The following NCOR2 variants were observed in gnomAD, a reference collection of about 807,000 sequenced individuals.
NCOR2 encodes CTG repeat protein 26.
A neutral mutation model predicts 262.9 loss-of-function variants in NCOR2; 81 were observed. The ratio of observed to expected loss-of-function variants is 0.31; its 90% CI spans 0.26 to 0.37. The LOEUF is 0.37. Ranked by LOEUF, NCOR2 falls within the 10% of genes least tolerant of loss-of-function variation. The pLI is 1.00. For synonymous variants in NCOR2, 1,659 were observed against 1,559.3 expected, an observed-to-expected ratio of 1.06 and a Z score of -1.51; for missense variants, 3,385 against 3,621.4, an observed-to-expected ratio of 0.93 and a Z score of 1.68.
At chr12:124,358,097 G>A (rs77581721) in intron 22 of NCOR2, among the ~76,000 whole-genome samples, 87,165 of 137,788 alleles carry the variant, frequency 0.63, 28,734 homozygotes, top group Non-Finnish European at 0.72. Context: ...GTGTGTGTGC[G>A]CGCGCGCACG....
intron 1 of NCOR2, among the ~76,000 whole-genome samples, chr12:124,511,059 T>C (rs2049367527): frequency 6.6e-6 from 1 of 152,240 alleles, no homozygotes; most frequent in South Asian, 2.1e-4. Context: ...AAATGTTTGC[T>C]GAATGCATGA....
rs778024758 is a variant in NCOR2 at position 124,374,582 on chromosome 12, G to A, written c.2168-119C>T. 4.3e-4 allele frequency: 407 copies of A among 940,402 alleles called. 1 individual carries two copies. The highest frequency in any genetic ancestry group is 5.5e-4 in the Non-Finnish European group (330 of 597,084). 58.3% of individuals were successfully genotyped at this position (940,402 alleles called of 1,614,324 possible). A position where few individuals can be genotyped will look rare whatever the true frequency, so the allele number is the denominator to read the frequency against. ...CAGTGCACAGCAGTGAGGCCTCGCT[G>A]CTGCTCGCTCTCCTGCCCCGACTGC... On this transcript the variant is annotated intron_variant, in intron 18 of 46. Coordinates refer to ENST00000405201, the Ensembl canonical transcript of NCOR2.
At chr12:124,567,609 T>TGGCGGC (rs574345580), upstream of NCOR2, 265 of 143,976 alleles carry the variant, frequency 1.8e-3, no homozygotes, top group South Asian at 7.4e-3. Context: ...GCGGCGGCGG[T>TGGCGGC]GGCGGCGGCG....
In NCOR2 at chr12:124,419,933, AGTCACCCCCACCTT is replaced by A. The variant is rs750559624; in HGVS notation, c.1482+10_1482+23del. 6.2e-7 allele frequency: 1 copy of A among 1,601,428 alleles called. No individual in the cohort carries two copies. Among genetic ancestry groups the A allele is most frequent in the South Asian group, 1.1e-5 (1 of 90,840 alleles). On this transcript the variant is annotated intron_variant, in intron 13 of 46. Transcript: ENST00000405201. ...GAGCATGCAGGGAGCCTGCAAGGACAGTCACCCCCACCTTGCCTCTTACCTGGCTCTTGCCGCGG... is the reference window on the plus strand; with the variant it reads ...GAGCATGCAGGGAGCCTGCAAGGACAGCCTCTTACCTGGCTCTTGCCGCGG...
chr12:124,369,476 G>A (rs969123728), intron 20 of NCOR2, among the ~76,000 whole-genome samples: 5 of 151,994 alleles, frequency 3.3e-5, no homozygotes, highest in African/African-American at 4.8e-5. Context: ...TGGGGGGCCC[G>A]CCCGTCCCAC....
At chr12:124,355,815 A>G (rs2037905360) in intron 23 of NCOR2, among the ~76,000 whole-genome samples, 1 of 151,790 alleles carries the variant, frequency 6.6e-6, no homozygotes, top group African/African-American at 2.4e-5. Context: ...AGCGCCCTCA[A>G]CTCTCATCTG....
At chr12:124,564,150 T>C (rs1293852024) in intron 1 of NCOR2, among the ~76,000 whole-genome samples, 1 of 152,262 alleles carries the variant, frequency 6.6e-6, no homozygotes, top group Non-Finnish European at 1.5e-5. Flanking sequence ...TTTTCCAACA[T>C]GGAGGCTGAG....
chr12:124,542,338 A>G (rs4765578), intron 1 of NCOR2, among the ~76,000 whole-genome samples: 59,757 of 151,980 alleles, frequency 0.39, 12,763 homozygotes, highest in South Asian at 0.52. Flanking sequence ...CAGCGGCCAC[A>G]CCGGCCACAA....
chr12:124,346,954 C>A, intron 30 of NCOR2, 104 bp from the exon 33 acceptor site: 1 of 1,320,878 alleles, frequency 7.6e-7, no homozygotes, highest in Non-Finnish European at 9.8e-7. Context: ...GTTCAAATCC[C>A]CACTTGCTGT....
chr12:124,496,237 C>A (rs2048374390), upstream of NCOR2, among the ~76,000 whole-genome samples: 1 of 151,850 alleles, frequency 6.6e-6, no homozygotes, highest in Admixed American at 6.5e-5. This position sits in a 1 kb window ranked among gnomAD's most constrained non-coding sequence, Gnocchi z 4.4. Context: ...CACCCCCCAC[C>A]CCCAACAAGG....
intron 20 of NCOR2, among the ~76,000 whole-genome samples, chr12:124,368,014 T>A (rs1295414839): frequency 1.3e-5 from 2 of 152,202 alleles, no homozygotes; most frequent in Non-Finnish European, 2.9e-5. Context: ...TCTCAGGGCC[T>A]GGCACAGAGT....
chr12:124,441,073 C>A (rs891715836), intron 7 of NCOR2, among the ~76,000 whole-genome samples: 1 of 152,012 alleles, frequency 6.6e-6, no homozygotes, highest in African/African-American at 2.4e-5. Flanking sequence ...GTCTTTTATG[C>A]AAAAGACAGC....
At chr12:124,360,618 C>A (rs147245284) in intron 22 of NCOR2, among the ~76,000 whole-genome samples, 1 of 152,188 alleles carries the variant, frequency 6.6e-6, no homozygotes, top group Non-Finnish European at 1.5e-5. Context: ...GCCTGAGAGG[C>A]CCCACACAAT....
At position 124,440,285 on chromosome 12, in the gene NCOR2, G is replaced by A. The variant is rs1420122728; in HGVS notation, c.816-2289C>T. 2.0e-5 allele frequency among the ~76,000 whole-genome samples: 3 copies of A among 152,210 alleles called. No homozygotes were observed. Among genetic ancestry groups the A allele is most frequent in the Non-Finnish European group, 2.9e-5 (2 of 68,038 alleles). On this transcript the variant is annotated intron_variant, in intron 7 of 46. Coordinates refer to ENST00000405201, the Ensembl canonical transcript of NCOR2. This position sits in a 1 kb window ranked among gnomAD's most constrained non-coding sequence, Gnocchi z 5.7. ...CGGGACCCCAGCCCCATTGGAAACA[G>A]GAAAAGGAGGGAACCCCAGGCTCTG... is the stretch of plus-strand genomic sequence containing the variant.
At position 124,405,165 on chromosome 12, in the gene NCOR2, G is replaced by C. The variant is rs530711388; in HGVS notation, c.1483-2604C>G. On this transcript the variant is annotated intron_variant, in intron 13 of 46. Transcript: ENST00000405201. Reference sequence around the variant, plus strand: ...GCCAGGGCCTGCCCACAACCCCCTCGCTCCTGGAACGTCACCCCCTATGTC... The same window carrying C: ...GCCAGGGCCTGCCCACAACCCCCTCCCTCCTGGAACGTCACCCCCTATGTC... Among the ~76,000 whole-genome samples the C allele has an allele frequency of 4.6e-5, 7 of 152,126 alleles. No homozygotes were observed. In the East Asian group the frequency reaches 1.4e-3, roughly 29 times the overall value.
At chr12:124,552,472 C>A (rs1397347215) in intron 1 of NCOR2, among the ~76,000 whole-genome samples, 2 of 152,200 alleles carry the variant, frequency 1.3e-5, no homozygotes, top group Non-Finnish European at 2.9e-5. Context: ...GCCACAGCCC[C>A]CAGGTCAAGG....
At chr12:124,431,466 A>G (rs1353522580) in intron 8 of NCOR2, among the ~76,000 whole-genome samples, 1 of 150,894 alleles carries the variant, frequency 6.6e-6, no homozygotes, top group Non-Finnish European at 1.5e-5. Flanking sequence ...ATAGGCAGAT[A>G]CACAGAGAGA....
rs61746414 is a variant in NCOR2, at chr12:124,354,868, C to A, written c.3453G>T (p.Gly1151=). 9.7e-4 allele frequency: 1,559 copies of A among 1,612,700 alleles called. 1 individual carries two copies. The highest frequency in any genetic ancestry group is 1.2e-3 in the Non-Finnish European group (1,399 of 1,179,564). Residue 1151 remains glycine, a synonymous_variant, in exon 25 of 47, where the codon GGG becomes GGT. Transcript: ENST00000405201. ...TTTTGGGGTCCATGGGCAGGGGCAG[C>A]CCCATGGTGACAGGGCCCACCGGGG...
chr12:124,460,369 C>T (rs2046102056), intron 5 of NCOR2, among the ~76,000 whole-genome samples: 1 of 152,234 alleles, frequency 6.6e-6, no homozygotes, highest in Admixed American at 6.5e-5. Flanking sequence ...AGAACCCTGT[C>T]CTCTCTCCAC....
Sources: gnomAD v4.1 joint callset for allele counts (sites outside exome capture counted in the v4.1 genomes callset) on GRCh38, gnomAD v4.1.1 for gene constraint, Gnocchi (gnomAD v3.1) non-coding constraint, MANE v1.5 for transcripts, NCBI Gene and HGNC (gene_info 2026-07-23, HGNC 2026-07-21) for gene names.